Variants in UST observed in about 807,000 individuals in gnomAD.
The protein encoded by UST is uronyl 2-sulfotransferase, also known as chondroitin sulfate 2-O-sulfotransferase.
Under a neutral mutation model 45.6 loss-of-function variants are expected in UST, and 21 were observed. The observed-to-expected ratio is 0.46, with a 90% CI of 0.33 to 0.66. The LOEUF (loss-of-function observed/expected upper bound fraction) is 0.66. UST is among the 30% of genes least tolerant of loss of function. The probability of loss-of-function intolerance (pLI) is 0.02; values close to 1 mark genes in which losing one functional copy is unlikely to be tolerated. For synonymous variants in UST, 215 were observed against 200.6 expected (o/e 1.07, Z -0.61); for missense variants, 463 against 512.4 (o/e 0.90, Z 0.93).
At chr6:148,785,247 T>C (rs886658792) in intron 1 of UST, among the ~76,000 whole-genome samples, 1 of 151,826 alleles carries the variant, frequency 6.6e-6, no homozygotes, top group African/African-American at 2.4e-5. Context: ...TAAGATGCTA[T>C]AGACCATTAT....
intron 1 of UST, among the ~76,000 whole-genome samples, chr6:148,819,130 A>G (rs1777409900): frequency 1.3e-5 from 2 of 152,218 alleles, no homozygotes; most frequent in African/African-American, 4.8e-5. Context: ...TCACAAAGGT[A>G]GGGCAGATTT....
chr6:149,056,418 T>C (rs922578311), intron 7 of UST, among the ~76,000 whole-genome samples: 3 of 152,194 alleles, frequency 2.0e-5, no homozygotes, highest in Admixed American at 1.3e-4. Context: ...ACCCCTGCTT[T>C]TCAAAGTCAT....
chr6:149,049,925 T>A (rs796485628), intron 7 of UST, among the ~76,000 whole-genome samples: 36,705 of 126,560 alleles, frequency 0.29, 4,901 homozygotes, highest in Non-Finnish European at 0.31. Flanking sequence ...TCTCTCTCTC[T>A]CTCTCTCACA....
At chr6:148,861,108 C>G (rs928650677) in intron 1 of UST, among the ~76,000 whole-genome samples, 4 of 152,072 alleles carry the variant, frequency 2.6e-5, no homozygotes, top group Non-Finnish European at 5.9e-5. Flanking sequence ...AGAATTCAGA[C>G]GTGAATTCGT....
intron 7 of UST, among the ~76,000 whole-genome samples, chr6:149,070,832 A>G (rs893732427): frequency 2.3e-4 from 35 of 152,096 alleles, no homozygotes; most frequent in African/African-American, 8.5e-4. Flanking sequence ...CAGTGGCGCA[A>G]TCTCAGCTCA....
chr6:149,003,322 C>T (rs966729525), intron 5 of UST, among the ~76,000 whole-genome samples: 4 of 152,034 alleles, frequency 2.6e-5, no homozygotes, highest in Non-Finnish European at 5.9e-5. Flanking sequence ...CCTTTTTCCT[C>T]AGTATTCAAC....
At chr6:148,926,797 A>C (rs371542958) in intron 2 of UST, among the ~76,000 whole-genome samples, 5 of 152,270 alleles carry the variant, frequency 3.3e-5, no homozygotes, top group African/African-American at 1.2e-4. Flanking sequence ...TAGGGTGACT[A>C]TTTTTAGCTG....
intron 1 of UST, among the ~76,000 whole-genome samples, chr6:148,883,368 G>A (rs546239854): frequency 1.3e-5 from 2 of 152,322 alleles, no homozygotes; most frequent in African/African-American, 4.8e-5. Flanking sequence ...GTAGGTACCC[G>A]AGCTTGGAGT....
chr6:148,759,301 G>A (rs1165751297), intron 1 of UST, among the ~76,000 whole-genome samples: 2 of 152,038 alleles, frequency 1.3e-5, no homozygotes, highest in African/African-American at 4.8e-5. Context: ...CGAGGTGGGT[G>A]GATCACGAGG....
At chr6:148,987,885 T>G (rs1175118187) in intron 5 of UST, among the ~76,000 whole-genome samples, 4 of 152,106 alleles carry the variant, frequency 2.6e-5, no homozygotes, top group African/African-American at 9.7e-5. Flanking sequence ...CAAACAGACA[T>G]GAGCATCTAC....
intron 1 of UST, among the ~76,000 whole-genome samples, chr6:148,805,250 A>T (rs1777126043): frequency 6.6e-6 from 1 of 152,212 alleles, no homozygotes; most frequent in African/African-American, 2.4e-5. Flanking sequence ...GTTTATGTAA[A>T]TGTCCTCAAG....
At chr6:148,796,694 C>T (rs894960098) in intron 1 of UST, among the ~76,000 whole-genome samples, 8 of 149,758 alleles carry the variant, frequency 5.3e-5, no homozygotes, top group African/African-American at 2.0e-4. Context: ...AAAACTGATA[C>T]CCGTTAGGCT....
At chr6:148,900,931 G>T (rs1454883328) in intron 2 of UST, among the ~76,000 whole-genome samples, 2 of 152,124 alleles carry the variant, frequency 1.3e-5, no homozygotes, top group African/African-American at 4.8e-5. Flanking sequence ...TATCTTCAAG[G>T]CCAGCATTGT....
At chr6:148,905,172 T>C (rs1210075560) in intron 2 of UST, among the ~76,000 whole-genome samples, 1 of 152,234 alleles carries the variant, frequency 6.6e-6, no homozygotes, top group African/African-American at 2.4e-5. Context: ...AGGTGCTGGC[T>C]TCGCAATGAT....
intron 1 of UST, among the ~76,000 whole-genome samples, chr6:148,820,928 G>C (rs1452679422): frequency 6.9e-6 from 1 of 145,414 alleles, no homozygotes; most frequent in East Asian, 2.0e-4. Flanking sequence ...CCAGGATCAT[G>C]TATTACATGT....
intron 1 of UST, among the ~76,000 whole-genome samples, chr6:148,885,336 G>A (rs567766092): frequency 3.3e-5 from 5 of 152,248 alleles, no homozygotes; most frequent in African/African-American, 7.2e-5. Flanking sequence ...CCAGCTGCAC[G>A]GTGGTAGAAT....
At chr6:148,986,804 A>G (rs150644534) in intron 5 of UST, among the ~76,000 whole-genome samples, 1,720 of 152,350 alleles carry the variant, frequency 0.011, 26 homozygotes, top group African/African-American at 0.027. Context: ...AATTGCCGTC[A>G]TCATCATTTT....
At chr6:148,821,628 T>G (rs780753959) in intron 1 of UST, among the ~76,000 whole-genome samples, 5 of 152,222 alleles carry the variant, frequency 3.3e-5, no homozygotes, top group Non-Finnish European at 7.3e-5. Flanking sequence ...TCATTAGAAT[T>G]TTATCTACCC....
chr6:148,999,542 C>G (rs1304366719), intron 5 of UST, among the ~76,000 whole-genome samples: 1 of 152,226 alleles, frequency 6.6e-6, no homozygotes, highest in East Asian at 1.9e-4. Flanking sequence ...ACCATTAAGA[C>G]AAACTCACTG....
Sources: allele counts gnomAD v4.1 joint callset (sites outside exome capture counted in the v4.1 genomes callset), GRCh38; gene constraint gnomAD v4.1.1; transcripts MANE v1.5; gene names NCBI Gene and HGNC (gene_info 2026-07-23, HGNC 2026-07-21).